CACNA2D2: variants seen among roughly 807,000 people sequenced by gnomAD.
CACNA2D2 encodes the protein calcium voltage-gated channel auxiliary subunit alpha2delta 2.
CACNA2D2 carries 48 observed loss-of-function variants against 166.4 expected under a neutral mutation model. The observed-to-expected ratio is 0.29, with a 90% CI of 0.23 to 0.37. The LOEUF (loss-of-function observed/expected upper bound fraction) is 0.37, where lower values mean the gene tolerates loss of function less well. CACNA2D2 is among the 10% of genes least tolerant of loss of function. CACNA2D2 has a pLI of 1.00. For missense variants in CACNA2D2, 1,122 were observed against 1,433.0 expected, an observed-to-expected ratio of 0.78 and a Z score of 3.50; for synonymous variants, 561 against 573.7, an observed-to-expected ratio of 0.98 and a Z score of 0.32.
intron 13 of CACNA2D2, 125 bp from the exon 14 acceptor site, chr3:50,378,458 C>G: frequency 1.1e-6 from 1 of 941,128 alleles, no homozygotes; most frequent in South Asian, 1.5e-5. Context: ...TTTTTGGGGT[C>G]CTCTCCCTCT....
intron 2 of CACNA2D2, among the ~76,000 whole-genome samples, chr3:50,455,836 T>C (rs1476851662): frequency 6.6e-6 from 1 of 152,196 alleles, no homozygotes; most frequent in African/African-American, 2.4e-5. Context: ...AAAAATAGTT[T>C]AATCTCCTTG....
intron 1 of CACNA2D2, among the ~76,000 whole-genome samples, chr3:50,501,374 C>G (rs890858768): frequency 4.6e-5 from 7 of 151,220 alleles, no homozygotes; most frequent in Admixed American, 2.0e-4. Flanking sequence ...CAGAGCGGCA[C>G]AGCCCCCACC....
Position 50,363,183 on chromosome 3 carries a change from G to GC in CACNA2D2, c.*1482dup. ...CTGACTACACTACAGTTACACGCAC[G>GC]CCCCCGAAGGACACAGCTGGCATCC... On this transcript the variant is annotated 3_prime_UTR_variant, in exon 38 of 38. Transcript: ENST00000424201. 1 of 398,844 alleles carries GC rather than the reference G, an allele frequency of 2.5e-6. No homozygotes were observed. The highest frequency in any genetic ancestry group is 3.6e-5 in the East Asian group (1 of 28,084). 24.7% of individuals were successfully genotyped at this position (398,844 alleles called of 1,614,324 possible).
At chr3:50,389,966 A>G (rs1274457233) in intron 4 of CACNA2D2, among the ~76,000 whole-genome samples, 2 of 140,496 alleles carry the variant, frequency 1.4e-5, no homozygotes, top group African/African-American at 2.6e-5. Context: ...ACTGCTATGC[A>G]TGATGTGGTG....
intron 3 of CACNA2D2, among the ~76,000 whole-genome samples, chr3:50,394,550 G>T (rs771594113): frequency 6.6e-6 from 1 of 152,210 alleles, no homozygotes; most frequent in Non-Finnish European, 1.5e-5. Flanking sequence ...GCTTCACCTT[G>T]CCCTGCCCTT....
At chr3:50,486,180 G>A (rs1220037502) in intron 1 of CACNA2D2, among the ~76,000 whole-genome samples, 2 of 152,172 alleles carry the variant, frequency 1.3e-5, no homozygotes, top group Admixed American at 6.5e-5. Flanking sequence ...GGGGAGCCAC[G>A]CCCAGGCCTC....
At chr3:50,466,874 T>G (rs1319594330) in intron 2 of CACNA2D2, among the ~76,000 whole-genome samples, 1 of 152,206 alleles carries the variant, frequency 6.6e-6, no homozygotes, top group African/African-American at 2.4e-5. Context: ...ATCTTCTGTC[T>G]GTACCCGAAA....
At chr3:50,410,658 C>A (rs886106619) in intron 3 of CACNA2D2, among the ~76,000 whole-genome samples, 1 of 152,182 alleles carries the variant, frequency 6.6e-6, no homozygotes, top group Non-Finnish European at 1.5e-5. Flanking sequence ...GCTCTCCTGC[C>A]CACAAGGCCA....
chr3:50,476,076 G>A (rs903767215), intron 2 of CACNA2D2, 42 bp downstream of exon 2: 1 of 1,490,818 alleles, frequency 6.7e-7, no homozygotes, highest in South Asian at 1.2e-5. Flanking sequence ...CCTTCCCTTG[G>A]AAGAGGGTCC....
chr3:50,502,668 C>T (rs189625746), intron 1 of CACNA2D2, among the ~76,000 whole-genome samples: 31 of 152,366 alleles, frequency 2.0e-4, no homozygotes, highest in African/African-American at 7.2e-4. Flanking sequence ...GAACAGGGGA[C>T]ACTGCCTCTG....
At chr3:50,453,046 A>T (rs1194915637) in intron 2 of CACNA2D2, among the ~76,000 whole-genome samples, 1 of 152,062 alleles carries the variant, frequency 6.6e-6, no homozygotes, top group Non-Finnish European at 1.5e-5. Context: ...CAGGAATATG[A>T]CCTCAGAGAG....
intron 6 of CACNA2D2, among the ~76,000 whole-genome samples, chr3:50,381,716 T>C (rs1343896537): frequency 2.0e-5 from 3 of 151,984 alleles, no homozygotes; most frequent in Non-Finnish European, 2.9e-5. Flanking sequence ...AGTGTACTTG[T>C]ACACGCATGC....
At chr3:50,422,578 T>C (rs1707624606) in intron 3 of CACNA2D2, among the ~76,000 whole-genome samples, 1 of 152,196 alleles carries the variant, frequency 6.6e-6, no homozygotes, top group South Asian at 2.1e-4. Context: ...AGACCCCTTC[T>C]TTCAATAGCG....
At chr3:50,434,023 C>A (rs986445267) in intron 3 of CACNA2D2, among the ~76,000 whole-genome samples, 1 of 152,190 alleles carries the variant, frequency 6.6e-6, no homozygotes, top group African/African-American at 2.4e-5. Flanking sequence ...ATGGGAAAAC[C>A]CCAGGCCCGG....
Position 50,375,619 on chromosome 3 carries a change from C to A in CACNA2D2, c.1907+25G>T. Reference sequence around the variant, plus strand: ...TTCTGGGGCCACCCCACCCTCTCTGCCCGCCCAGCCCTGGCCTCACTTACC... The same window carrying A: ...TTCTGGGGCCACCCCACCCTCTCTGACCGCCCAGCCCTGGCCTCACTTACC... On this transcript the variant is annotated intron_variant, in intron 21 of 37. Transcript: ENST00000424201. This position sits in a 1 kb window ranked among gnomAD's most constrained non-coding sequence, Gnocchi z 4.0. The A allele has an allele frequency of 1.2e-6, 2 of 1,611,108 alleles. No individual in the cohort carries two copies. The highest frequency in any genetic ancestry group is 1.7e-6 in the Non-Finnish European group (2 of 1,179,046).
chr3:50,483,457 CCTTT>C (rs769595803), intron 1 of CACNA2D2, among the ~76,000 whole-genome samples: 3 of 152,234 alleles, frequency 2.0e-5, no homozygotes, highest in South Asian at 2.1e-4. Flanking sequence ...CTATCCCTTC[CCTTT>C]CTTTGCCGAG....
intron 2 of CACNA2D2, among the ~76,000 whole-genome samples, chr3:50,468,821 T>TTC (rs201649923): frequency 5.4e-4 from 78 of 144,202 alleles, no homozygotes; most frequent in East Asian, 1.7e-3. Context: ...TTCCATCCCC[T>TTC]TCTCTCTCTT....
At chr3:50,390,838 C>A (rs1002498978) in intron 4 of CACNA2D2, among the ~76,000 whole-genome samples, 1 of 152,186 alleles carries the variant, frequency 6.6e-6, no homozygotes, top group African/African-American at 2.4e-5. Flanking sequence ...GGGGGAAGGA[C>A]AGTTGCCATC....
intron 1 of CACNA2D2, among the ~76,000 whole-genome samples, chr3:50,496,253 A>C (rs1173704911): frequency 6.6e-6 from 1 of 152,226 alleles, no homozygotes; most frequent in African/African-American, 2.4e-5. Flanking sequence ...TCATATGCAC[A>C]TACACGCACA....
Sources: allele counts gnomAD v4.1 joint callset (sites outside exome capture counted in the v4.1 genomes callset), GRCh38; gene constraint gnomAD v4.1.1; non-coding constraint Gnocchi (gnomAD v3.1); transcripts MANE v1.5; gene names NCBI Gene and HGNC (gene_info 2026-07-23, HGNC 2026-07-21).